The following OR2G6 variants were observed in gnomAD, a reference collection of about 807,000 sequenced individuals.
OR2G6 encodes olfactory receptor family 2 subfamily G member 6.
For missense variants in OR2G6, 457 were observed against 391.3 expected (o/e 1.17, Z -1.42); for synonymous variants, 183 against 155.2 (o/e 1.18, Z -1.33).
At chr1:248,520,383 T>C (rs915973319) in intron 1 of OR2G6, among the ~76,000 whole-genome samples, 2 of 152,120 alleles carry the variant, frequency 1.3e-5, no homozygotes, top group African/African-American at 2.4e-5. Context: ...TTATGTAACG[T>C]GCACGTTCTG....
rs758053921 is a variant in OR2G6 at position 248,522,061 on chromosome 1, A to G, written c.415A>G (p.Arg139Gly). The G allele has an allele frequency of 1.3e-5, 21 of 1,614,114 alleles. 1 individual carries two copies. In the East Asian group the frequency reaches 4.7e-4, roughly 36 times the overall value. ...GCGCTACATAGCCATTATGCACCCC[A>G]GGTTCTGTGCGTCTCTGGCCGGTGG... ...PLRYIAIMHP[R>G]FCASLAGGAW... The change falls in exon 2 of 2, where the codon AGG (arginine) becomes GGG (glycine). Residue 139 changes from arginine (R) to glycine (G), a missense_variant. Transcript: ENST00000641804.
chr1:248,522,246 T>C lies in OR2G6; in HGVS notation c.600T>C (p.Phe200=). The C allele has an allele frequency of 6.2e-7, 1 of 1,614,152 alleles. No homozygotes were observed. ...VDTTFNEAEL[F]VASVVFLIVP... ...CGACTTTCAACGAGGCAGAACTCTT[T>C]GTGGCCAGTGTAGTCTTTCTAATTG... The change falls in exon 2 of 2, where the codon TTT becomes TTC. Residue 200 remains phenylalanine, a synonymous_variant. Coordinates refer to ENST00000641804, the MANE Select transcript of OR2G6 (RefSeq NM_001013355.2).
intron 1 of OR2G6, among the ~76,000 whole-genome samples, chr1:248,520,286 G>A (rs983722068): frequency 6.6e-6 from 1 of 152,110 alleles, no homozygotes; most frequent in Non-Finnish European, 1.5e-5. Context: ...GGGTTGGGGG[G>A]CTAGGAAGGA....
rs1005691035 is a variant in OR2G6 at position 248,525,429 on chromosome 1, C to T, written c.*2832C>T. Reference sequence around the variant, plus strand: ...GTATATGGTTCCACCACTCCAAACACCATGAATTTTTTTTAAAAGATATTT... The same window carrying T: ...GTATATGGTTCCACCACTCCAAACATCATGAATTTTTTTTAAAAGATATTT... On this transcript the variant is annotated 3_prime_UTR_variant, in exon 2 of 2. Transcript: ENST00000641804. 1 of 151,232 alleles carries T rather than the reference C, an allele frequency of 6.6e-6. No homozygotes were observed. The highest frequency in any genetic ancestry group is 1.5e-5 in the Non-Finnish European group (1 of 67,872). 9.4% of individuals were successfully genotyped at this position (151,232 alleles called of 1,614,324 possible).
In OR2G6 at chr1:248,523,455, A is replaced by G. The variant is rs938450505; in HGVS notation, c.*858A>G. On this transcript the variant is annotated 3_prime_UTR_variant, in exon 2 of 2. Coordinates refer to ENST00000641804, the MANE Select transcript of OR2G6 (RefSeq NM_001013355.2). ...GTGTTTTAACATTTATACAAAATTC[A>G]TAAAATAAGTTATTGTTTTTGGCCT... The G allele has an allele frequency of 6.6e-6, 1 of 151,552 alleles. No individual in the cohort carries two copies. The highest frequency in any genetic ancestry group is 2.4e-5 in the African/African-American group (1 of 41,342). The allele number at this position is 151,552 out of a possible 1,614,324, so 9.4% of individuals were successfully genotyped here. A position where few individuals can be genotyped will look rare whatever the true frequency, so the allele number is the denominator to read the frequency against.
In OR2G6 at chr1:248,527,119, T is replaced by C. The variant is rs1659147277; in HGVS notation, c.*4522T>C. The stretch of plus-strand genomic sequence containing the variant: ...AGGTTTTCTTCTAGGGTTTTTATGG[T>C]TTTAGGTCTAACATTTACGTCTTTA... On this transcript the variant is annotated 3_prime_UTR_variant, in exon 2 of 2. Coordinates refer to ENST00000641804, the MANE Select transcript of OR2G6 (RefSeq NM_001013355.2). 6.6e-6 allele frequency: 1 copy of C among 152,192 alleles called. No homozygotes were observed. Among genetic ancestry groups the C allele is most frequent in the African/African-American group, 2.4e-5 (1 of 41,440 alleles). The allele number at this position is 152,192 out of a possible 1,614,324, so 9.4% of individuals were successfully genotyped here. A position where few individuals can be genotyped will look rare whatever the true frequency, so the allele number is the denominator to read the frequency against.
In OR2G6 at chr1:248,521,658, C is replaced by G. The variant is rs761336846; in HGVS notation, c.12C>G (p.Thr4=). ...AAGCTGCAGGAAAAATGGAGGAAAC[C>G]AACAACAGCTCTGAAAAGGGATTTC... MEE[T]NNSSEKGFLL... Residue 4 remains threonine (T), a synonymous_variant, in exon 2 of 2, where the codon ACC becomes ACG. Coordinates refer to ENST00000641804, the MANE Select transcript of OR2G6 (RefSeq NM_001013355.2). 1.2e-6 allele frequency: 2 copies of G among 1,611,970 alleles called. No individual in the cohort carries two copies. The highest frequency in any genetic ancestry group is 4.5e-5 in the East Asian group (2 of 44,892).
intron 1 of OR2G6, among the ~76,000 whole-genome samples, chr1:248,520,871 A>AAAAT (rs1320297687): frequency 7.5e-6 from 1 of 132,674 alleles, no homozygotes; most frequent in Admixed American, 7.2e-5. Context: ...TATATATATA[A>AAAAT]AAATATATAT....
chr1:248,521,861 G>A lies in OR2G6; in HGVS notation c.215G>A (p.Cys72Tyr). 1.2e-6 allele frequency: 2 copies of A among 1,614,082 alleles called. No homozygotes were observed. Among genetic ancestry groups the A allele is most frequent in the Non-Finnish European group, 1.7e-6 (2 of 1,180,004 alleles). ...AGCAACCTCTCGTGTGTGGACATCT[G>A]CTTTACCACCAGTGTTGCCCCACAG... ...FLSNLSCVDI[C>Y]FTTSVAPQLL... is the part of the protein sequence containing the mutation. Residue 72 changes from cysteine to tyrosine, a missense_variant, in exon 2 of 2, where the codon TGC becomes TAC. By Grantham distance (194) the Cys-to-Tyr change is radical. Transcript: ENST00000641804.
chr1:248,520,901 C>CT (rs34734245), intron 1 of OR2G6, among the ~76,000 whole-genome samples: 33,657 of 148,070 alleles, frequency 0.23, 4,246 homozygotes, highest in African/African-American at 0.33. Flanking sequence ...CAAAAATTAG[C>CT]GGGCATGGGG....
chr1:248,521,732 C>T lies in OR2G6; in HGVS notation c.86C>T (p.Ala29Val). Residue 29 changes from alanine (A) to valine (V), a missense_variant, in exon 2 of 2, where the codon GCC becomes GTC. Ala to Val is a moderately conservative substitution (Grantham distance 64). Coordinates refer to ENST00000641804, the MANE Select transcript of OR2G6 (RefSeq NM_001013355.2). ...CCTCAGCTAGAGAGGTTTCTTTTTG[C>T]CATCATTTTGTACTTCTACGTCTTG... is the stretch of plus-strand genomic sequence containing the variant. ...DQPQLERFLFAIILYFYVLSL... is the reference protein window; with the variant it reads ...DQPQLERFLFVIILYFYVLSL... The T allele has an allele frequency of 6.2e-7, 1 of 1,614,068 alleles. No individual in the cohort carries two copies. Among genetic ancestry groups the T allele is most frequent in the Non-Finnish European group, 8.5e-7 (1 of 1,179,978 alleles).
intron 1 of OR2G6, among the ~76,000 whole-genome samples, chr1:248,521,315 A>C (rs1455390794): frequency 6.6e-6 from 1 of 152,136 alleles, no homozygotes; most frequent in Non-Finnish European, 1.5e-5. Flanking sequence ...TCATTTGAAC[A>C]TATAAATATA....
At chr1:248,521,176 T>C (rs568861941) in intron 1 of OR2G6, among the ~76,000 whole-genome samples, 53 of 151,470 alleles carry the variant, frequency 3.5e-4, no homozygotes, top group Admixed American at 1.1e-3. Flanking sequence ...GGAACAGAGA[T>C]CACGGCACTG....
chr1:248,527,002 C>A lies in OR2G6; in HGVS notation c.*4405C>A, dbSNP rs1040898475. ...CAGAAGCTCTTTAGTTTAATTAGAT[C>A]CCATTTGTCAATTTTGGCTTTTGTT... is the stretch of plus-strand genomic sequence containing the variant. On this transcript the variant is annotated 3_prime_UTR_variant, in exon 2 of 2. Transcript: ENST00000641804. The A allele has an allele frequency of 6.6e-6, 1 of 152,066 alleles. No individual in the cohort carries two copies. The highest frequency in any genetic ancestry group is 2.4e-5 in the African/African-American group (1 of 41,386). The allele number at this position is 152,066 out of a possible 1,614,324, so 9.4% of individuals were successfully genotyped here. A position where few individuals can be genotyped will look rare whatever the true frequency, so the allele number is the denominator to read the frequency against.
chr1:248,522,754 C>T lies in OR2G6; in HGVS notation c.*157C>T, dbSNP rs559233061. 15 of 593,416 alleles carry T rather than the reference C, an allele frequency of 2.5e-5. No homozygotes were observed. In the East Asian group the frequency reaches 3.9e-4, roughly 15 times the overall value. 36.8% of individuals were successfully genotyped at this position (593,416 alleles called of 1,614,324 possible). ...CCTCAAGGCAGCGTGAGGATTCATC[C>T]TCCCCAGACATTCCTCTTGTCAATC... On this transcript the variant is annotated 3_prime_UTR_variant, in exon 2 of 2. Coordinates refer to ENST00000641804, the MANE Select transcript of OR2G6 (RefSeq NM_001013355.2).
intron 1 of OR2G6, among the ~76,000 whole-genome samples, chr1:248,520,855 A>AATAT (rs1553328184): frequency 4.4e-5 from 4 of 90,570 alleles, no homozygotes; most frequent in East Asian, 5.1e-4. Flanking sequence ...ACTAAAAAAA[A>AATAT]ATATATATAT....
Position 248,524,759 on chromosome 1 carries a change from TAAAATC to T in OR2G6, c.*2166_*2171del, listed in dbSNP as rs1203898993. The T allele has an allele frequency of 2.0e-5, 3 of 152,012 alleles. No homozygotes were observed. Among genetic ancestry groups the T allele is most frequent in the Non-Finnish European group, 4.4e-5 (3 of 67,974 alleles). 9.4% of individuals were successfully genotyped at this position (152,012 alleles called of 1,614,324 possible). On this transcript the variant is annotated 3_prime_UTR_variant, in exon 2 of 2. Transcript: ENST00000641804. ...TATGGAATACAAATCCCACTGAAAA[TAAAATC>T]AAATTATTACTGTATACAATAAATT...
Position 248,521,933 on chromosome 1 carries a change from G to T in OR2G6, c.287G>T (p.Gly96Val). Residue 96 changes from glycine to valine, a missense_variant, in exon 2 of 2, where the codon GGC (glycine) becomes GTC (valine). By Grantham distance (109) the Gly-to-Val change is moderately radical. Transcript: ENST00000641804. ...AAAGACAAAACCATGAGCTACGGTG[G>T]CTGTGTGGCCCAGCTCTATGTGGCC... ...NKKDKTMSYG[G>V]CVAQLYVAMG... 1 of 1,614,156 alleles carries T rather than the reference G, an allele frequency of 6.2e-7. No individual in the cohort carries two copies. Among genetic ancestry groups the T allele is most frequent in the South Asian group, 1.1e-5 (1 of 91,088 alleles).
chr1:248,519,905 A>G (rs1042219021), intron 1 of OR2G6, among the ~76,000 whole-genome samples: 1 of 152,184 alleles, frequency 6.6e-6, no homozygotes, highest in Non-Finnish European at 1.5e-5. Context: ...CATTGAATCT[A>G]TAACTTACTT....
Sources: allele counts gnomAD v4.1 joint callset (sites outside exome capture counted in the v4.1 genomes callset), GRCh38; gene constraint gnomAD v4.1.1; transcripts MANE v1.5; gene names NCBI Gene and HGNC (gene_info 2026-07-23, HGNC 2026-07-21).